The following HDAC9 variants were observed in gnomAD, a reference collection of about 807,000 sequenced individuals.
The protein encoded by HDAC9 is MEF-2 interacting transcription repressor (MITR) protein.
A neutral mutation model predicts 139.4 loss-of-function variants in HDAC9; 41 were observed. The ratio of observed to expected loss-of-function variants is 0.29; its 90% CI spans 0.23 to 0.38. The LOEUF (loss-of-function observed/expected upper bound fraction) is 0.38. Ranked by LOEUF, HDAC9 falls within the 10% of genes least tolerant of loss-of-function variation. The probability of loss-of-function intolerance (pLI) is 1.00; values close to 1 mark genes in which losing one functional copy is unlikely to be tolerated. For missense variants in HDAC9, 1,147 were observed against 1,297.0 expected (o/e 0.88, Z 1.78); for synonymous variants, 517 against 476.2 (o/e 1.09, Z -1.12).
chr7:18,183,289 G>A (rs529628646), intron 2 of HDAC9, among the ~76,000 whole-genome samples: 14 of 152,240 alleles, frequency 9.2e-5, no homozygotes, highest in South Asian at 2.1e-4. Flanking sequence ...GATTACAGGC[G>A]TGAGCCACGG....
chr7:18,204,601 A>G (rs923149350), intron 2 of HDAC9, among the ~76,000 whole-genome samples: 2 of 152,030 alleles, frequency 1.3e-5, no homozygotes, highest in East Asian at 1.9e-4. Context: ...AATAAATATA[A>G]AGTGGAACTT....
intron 2 of HDAC9, among the ~76,000 whole-genome samples, chr7:18,183,177 T>C (rs901957975): frequency 6.7e-6 from 1 of 149,140 alleles, no homozygotes; most frequent in African/African-American, 2.6e-5. Context: ...ACCCGGCTAA[T>C]TTTTTGTATT....
intron 2 of HDAC9, among the ~76,000 whole-genome samples, chr7:18,542,692 T>G (rs1467694267): frequency 6.6e-6 from 1 of 152,172 alleles, no homozygotes; most frequent in Admixed American, 6.5e-5. Flanking sequence ...TTCATATTAA[T>G]AAGATTGTGG....
At position 18,648,013 on chromosome 7, in the gene HDAC9, C is replaced by G; in HGVS notation, c.1249+15C>G. 2 of 1,570,486 alleles carry G rather than the reference C, an allele frequency of 1.3e-6. No individual in the cohort carries two copies. The highest frequency in any genetic ancestry group is 1.7e-6 in the Non-Finnish European group (2 of 1,148,788). ...TCTTGTAGCTGGTAATTCATTATGG[C>G]ACCATTTGCAGGTCATTTTAGGGTT... On this transcript the variant is annotated intron_variant, in intron 10 of 25. Coordinates refer to ENST00000686413, the MANE Select transcript of HDAC9 (RefSeq NM_178425.4).
intron 2 of HDAC9, among the ~76,000 whole-genome samples, chr7:18,212,727 G>A (rs1473512600): frequency 6.6e-6 from 1 of 152,206 alleles, no homozygotes; most frequent in Non-Finnish European, 1.5e-5. Flanking sequence ...GAGCAGGTAA[G>A]TTCCAAAGAT....
intron 2 of HDAC9, among the ~76,000 whole-genome samples, chr7:18,497,989 T>A (rs1797374347): frequency 6.6e-6 from 1 of 152,122 alleles, no homozygotes; most frequent in African/African-American, 2.4e-5. Context: ...TTTAATGGTT[T>A]GTGTACAAAG....
Position 18,635,220 on chromosome 7 carries a change from G to C in HDAC9, c.912+478G>C, listed in dbSNP as rs749232193. On this transcript the variant is annotated intron_variant, in intron 8 of 25. Coordinates refer to ENST00000686413, the MANE Select transcript of HDAC9 (RefSeq NM_178425.4). The stretch of plus-strand genomic sequence containing the variant: ...CAGTAAGTAAAAACAACTCGTACAG[G>C]CCTCTCAGAGGAAGAACCTAGCGAG... 5.3e-5 allele frequency among the ~76,000 whole-genome samples: 8 copies of C among 151,852 alleles called. No homozygotes were observed. In the East Asian group the frequency reaches 1.6e-3, roughly 30 times the overall value.
In HDAC9 at chr7:18,137,595, G is replaced by T. The variant is rs1217900353; in HGVS notation, c.-96-24634G>T. 3.3e-5 allele frequency among the ~76,000 whole-genome samples: 5 copies of T among 150,736 alleles called. No homozygotes were observed. In the East Asian group the frequency reaches 9.8e-4, roughly 30 times the overall value. ...TTTTTGTCTTTGGCTCTGTTTATAT[G>T]CTGGATTACATTTATTGATTTGCGT... On this transcript the variant is annotated intron_variant, in intron 1 of 12. Transcript: ENST00000417496.
At position 18,998,308 on chromosome 7, in the gene HDAC9, G is replaced by A. The variant is rs1786577371; in HGVS notation, c.*2246G>A. ...TACTAAAGTTTCCTACAACAGTTTA[G>A]CCACATGTTTATGCCAAGCCATTAA... On this transcript the variant is annotated 3_prime_UTR_variant, in exon 26 of 26. Coordinates refer to ENST00000686413, the MANE Select transcript of HDAC9 (RefSeq NM_178425.4). 6.6e-6 allele frequency: 1 copy of A among 151,814 alleles called. No homozygotes were observed. Among genetic ancestry groups the A allele is most frequent in the South Asian group, 2.1e-4 (1 of 4,828 alleles). 9.4% of individuals were successfully genotyped at this position (151,814 alleles called of 1,614,324 possible). A position where few individuals can be genotyped will look rare whatever the true frequency, so the allele number is the denominator to read the frequency against.
chr7:18,792,267 TAAAAAA>T (rs79869842), intron 16 of HDAC9, among the ~76,000 whole-genome samples: 43 of 141,350 alleles, frequency 3.0e-4, no homozygotes, highest in African/African-American at 1.1e-3. Context: ...CTTTTTTTTT[TAAAAAA>T]AAAAAAAAAA....
At chr7:18,106,995 G>C (rs764167981) in intron 1 of HDAC9, among the ~76,000 whole-genome samples, 2 of 152,162 alleles carry the variant, frequency 1.3e-5, no homozygotes, top group African/African-American at 2.4e-5. Context: ...AGAAAATCTT[G>C]AAAGAAGCTT....
At chr7:18,953,390 A>G (rs894274673) in intron 23 of HDAC9, among the ~76,000 whole-genome samples, 1 of 152,128 alleles carries the variant, frequency 6.6e-6, no homozygotes, top group Non-Finnish European at 1.5e-5. Flanking sequence ...GGGATGTGTT[A>G]TCAGACTTAG....
chr7:18,935,940 G>T lies in HDAC9; in HGVS notation c.2935G>T (p.Glu979Ter), dbSNP rs1781597764. ...CTGTGTAAATGCCCTTCTAGGAAAT[G>T]AGGTAAAAAAGTAAAAGTACAAAGG... ...EACVNALLGN[E>*]LEPLAEDILH... The change falls in exon 23 of 26, where the codon GAG becomes TAG. Residue 979 changes from glutamate to a stop codon, truncating the protein, a stop_gained and splice_region_variant. Coordinates refer to ENST00000686413, the MANE Select transcript of HDAC9 (RefSeq NM_178425.4). LOFTEE classifies it high-confidence loss of function. 1.2e-6 allele frequency: 2 copies of T among 1,611,670 alleles called. No individual in the cohort carries two copies. Among genetic ancestry groups the T allele is most frequent in the Non-Finnish European group, 1.7e-6 (2 of 1,178,524 alleles).
At chr7:18,251,092 G>A (rs1028089363) in intron 2 of HDAC9, among the ~76,000 whole-genome samples, 4 of 152,092 alleles carry the variant, frequency 2.6e-5, no homozygotes, top group African/African-American at 7.2e-5. Flanking sequence ...AATAGCAAAG[G>A]CATGGAATCA....
At chr7:18,504,877 C>A (rs1260494169) in intron 2 of HDAC9, among the ~76,000 whole-genome samples, 1 of 152,150 alleles carries the variant, frequency 6.6e-6, no homozygotes, top group Non-Finnish European at 1.5e-5. Context: ...CAGGGTCCTG[C>A]CCCTTTTTCT....
At chr7:18,622,701 T>A (rs949960832) in intron 6 of HDAC9, among the ~76,000 whole-genome samples, 6 of 152,098 alleles carry the variant, frequency 3.9e-5, no homozygotes, top group African/African-American at 1.4e-4. Context: ...TTAAAATATT[T>A]ATATAATATT....
At chr7:18,300,067 CCT>C (rs1251911112) in intron 1 of HDAC9, among the ~76,000 whole-genome samples, 5 of 152,350 alleles carry the variant, frequency 3.3e-5, no homozygotes, top group South Asian at 2.1e-4. Context: ...CTTACAGCAG[CCT>C]CTCTCTAGAT....
At chr7:18,543,554 AC>A (rs1259930286) in intron 2 of HDAC9, 1 of 152,116 alleles carries the variant, frequency 6.6e-6, no homozygotes, top group Admixed American at 6.5e-5. Context: ...CTTTTGTGAC[AC>A]CACATGCAGA....
intron 12 of HDAC9, chr7:18,667,899 T>A: frequency 1.0e-6 from 1 of 983,362 alleles, no homozygotes; most frequent in South Asian, 4.7e-5. Flanking sequence ...TAAAGGTTCG[T>A]TGTATTAAGA....
Sources: gnomAD v4.1 joint callset for allele counts (sites outside exome capture counted in the v4.1 genomes callset) on GRCh38, gnomAD v4.1.1 for gene constraint, MANE v1.5 for transcripts, NCBI Gene and HGNC (gene_info 2026-07-23, HGNC 2026-07-21) for gene names.